The following GNAL variants were observed in gnomAD, a reference collection of about 807,000 sequenced individuals.
GNAL encodes G protein subunit alpha L, also known as guanine nucleotide-binding protein G(olf) subunit alpha.
A neutral mutation model predicts 55.1 loss-of-function variants in GNAL; 18 were observed. The ratio of observed to expected loss-of-function variants is 0.33; its 90% CI spans 0.23 to 0.48. The LOEUF (loss-of-function observed/expected upper bound fraction) is 0.48. GNAL is among the 20% of genes least tolerant of loss of function. GNAL has a pLI of 0.99. For missense variants in GNAL, 412 were observed against 614.1 expected, an observed-to-expected ratio of 0.67 and a Z score of 3.48; for synonymous variants, 253 against 237.0, an observed-to-expected ratio of 1.07 and a Z score of -0.62.
At chr18:11,756,600 A>T (rs868607658) in intron 4 of GNAL, among the ~76,000 whole-genome samples, 59 of 152,006 alleles carry the variant, frequency 3.9e-4, no homozygotes, top group African/African-American at 1.4e-3. Context: ...AATGTTAAAT[A>T]TGCAACATTC....
At chr18:11,871,847 C>G (rs932138681) in intron 9 of GNAL, among the ~76,000 whole-genome samples, 1 of 152,194 alleles carries the variant, frequency 6.6e-6, no homozygotes, top group Admixed American at 6.5e-5. Flanking sequence ...AAGTGCTTAA[C>G]TACAGATTGA....
chr18:11,798,453 A>C (rs546231853), intron 4 of GNAL, among the ~76,000 whole-genome samples: 1 of 152,308 alleles, frequency 6.6e-6, no homozygotes, highest in Admixed American at 6.5e-5. Flanking sequence ...GACACAGAGT[A>C]GCATAGAGTT....
chr18:11,754,528 C>T (rs540069991), intron 4 of GNAL, among the ~76,000 whole-genome samples: 110 of 152,172 alleles, frequency 7.2e-4, no homozygotes, highest in African/African-American at 2.6e-3. Flanking sequence ...ACTGATGGTG[C>T]TTTTTTTCCT....
intron 4 of GNAL, among the ~76,000 whole-genome samples, chr18:11,774,215 G>A (rs1167614954): frequency 6.6e-6 from 1 of 152,184 alleles, no homozygotes; most frequent in African/African-American, 2.4e-5. Flanking sequence ...GACTCGGCAC[G>A]TCTTGGTGTG....
intron 1 of GNAL, among the ~76,000 whole-genome samples, chr18:11,734,528 C>T (rs962751998): frequency 1.5e-4 from 23 of 151,772 alleles, no homozygotes; most frequent in South Asian, 2.1e-4. Flanking sequence ...TGGAGCATGG[C>T]TGTGTGGCTT....
chr18:11,804,836 A>T (rs1414788714), intron 4 of GNAL, among the ~76,000 whole-genome samples: 1 of 140,094 alleles, frequency 7.1e-6, no homozygotes, highest in Admixed American at 6.9e-5. Flanking sequence ...TGGAACACGG[A>T]GATACTGTGT....
At chr18:11,755,527 G>A (rs903886253) in intron 4 of GNAL, among the ~76,000 whole-genome samples, 1 of 152,070 alleles carries the variant, frequency 6.6e-6, no homozygotes, top group Non-Finnish European at 1.5e-5. Context: ...CACCCGCCTC[G>A]GCCTCCCAAA....
At chr18:11,764,921 T>A (rs930563325) in intron 4 of GNAL, among the ~76,000 whole-genome samples, 2 of 152,248 alleles carry the variant, frequency 1.3e-5, no homozygotes, top group Admixed American at 1.3e-4. Flanking sequence ...TTTTTGTTAA[T>A]AAAAGCAAAT....
chr18:11,763,516 G>A (rs2033310557), intron 4 of GNAL, among the ~76,000 whole-genome samples: 1 of 151,928 alleles, frequency 6.6e-6, no homozygotes, highest in South Asian at 2.1e-4. Flanking sequence ...TGGGACTACA[G>A]GCATAGCCCA....
At chr18:11,830,024 A>G (rs925189850) in intron 5 of GNAL, among the ~76,000 whole-genome samples, 19 of 152,116 alleles carry the variant, frequency 1.2e-4, no homozygotes, top group African/African-American at 4.3e-4. Context: ...ATAAGTAAAT[A>G]AAGTCAGTGC....
chr18:11,778,840 T>C (rs57958293), intron 4 of GNAL, among the ~76,000 whole-genome samples: 16,864 of 152,104 alleles, frequency 0.11, 1,263 homozygotes, highest in African/African-American at 0.21. Flanking sequence ...CCAGAGAATT[T>C]AACCCTTCTC....
chr18:11,755,615 A>G (rs1009011184), intron 4 of GNAL, among the ~76,000 whole-genome samples: 7 of 152,168 alleles, frequency 4.6e-5, no homozygotes, highest in African/African-American at 1.2e-4. Flanking sequence ...TCATCCTTTA[A>G]TATGATTTTT....
At chr18:11,797,133 T>C (rs113948721) in intron 4 of GNAL, among the ~76,000 whole-genome samples, 30 of 152,188 alleles carry the variant, frequency 2.0e-4, no homozygotes, top group African/African-American at 6.0e-4. Context: ...GTTTTCGCCA[T>C]GTTGGCCAGG....
intron 8 of GNAL, among the ~76,000 whole-genome samples, chr18:11,867,670 C>T (rs987274740): frequency 1.3e-5 from 2 of 151,816 alleles, no homozygotes; most frequent in East Asian, 1.9e-4. Context: ...AAAAATTAGC[C>T]GGGTGCGGTG....
chr18:11,834,564 A>C (rs1201011029), intron 5 of GNAL, among the ~76,000 whole-genome samples: 1 of 151,934 alleles, frequency 6.6e-6, no homozygotes, highest in Non-Finnish European at 1.5e-5. Flanking sequence ...AAATACCCCC[A>C]AAAATTAGCT....
chr18:11,751,519 G>T lies in GNAL; in HGVS notation c.377-1334G>T, dbSNP rs2032825243. ...AAGGCGGTGTGACTGGTGAGCCTCG[G>T]AGGGATCCTCCTCCCTGCTAGAATA... On this transcript the variant is annotated intron_variant, in intron 1 of 11. Transcript: ENST00000334049. The surrounding 1 kb of genome is among the most constrained non-coding windows in gnomAD (Gnocchi z 4.5). The T allele has an allele frequency of 1.0e-6, 1 of 985,402 alleles. No homozygotes were observed. Among genetic ancestry groups the T allele is most frequent in the Non-Finnish European group, 1.2e-6 (1 of 829,990 alleles). The allele number at this position is 985,402 out of a possible 1,614,324, so 61.0% of individuals were successfully genotyped here. A position where few individuals can be genotyped will look rare whatever the true frequency, so the allele number is the denominator to read the frequency against.
intron 4 of GNAL, among the ~76,000 whole-genome samples, chr18:11,777,114 G>A (rs1174827598): frequency 6.6e-6 from 1 of 152,210 alleles, no homozygotes; most frequent in African/African-American, 2.4e-5. Context: ...TGCAGAGACT[G>A]TTAGTGTGAT....
chr18:11,749,367 T>A (rs1444299833), intron 1 of GNAL, among the ~76,000 whole-genome samples: 2 of 152,350 alleles, frequency 1.3e-5, no homozygotes, highest in South Asian at 2.1e-4. Flanking sequence ...TTGCATTTTT[T>A]AAATGTATTT....
intron 1 of GNAL, among the ~76,000 whole-genome samples, chr18:11,694,288 C>T (rs1205852363): frequency 6.6e-6 from 1 of 152,156 alleles, no homozygotes; most frequent in Non-Finnish European, 1.5e-5. Flanking sequence ...ATTCTTTGTG[C>T]TCCTCTCATG....
Sources: gnomAD v4.1 joint callset for allele counts (sites outside exome capture counted in the v4.1 genomes callset) on GRCh38, gnomAD v4.1.1 for gene constraint, Gnocchi (gnomAD v3.1) non-coding constraint, MANE v1.5 for transcripts, NCBI Gene and HGNC (gene_info 2026-07-23, HGNC 2026-07-21) for gene names.